The following UBAC2 variants were observed in gnomAD, a reference collection of about 807,000 sequenced individuals.
UBAC2 encodes ubiquitin-associated domain-containing protein 2.
UBAC2 carries 26 observed loss-of-function variants against 44.0 expected under a neutral mutation model. That is an observed-to-expected ratio of 0.59 (90% CI 0.43 to 0.82). The LOEUF (loss-of-function observed/expected upper bound fraction) is 0.82, where lower values mean the gene tolerates loss of function less well. Among genes scored for constraint, UBAC2 ranks in the 40% least tolerant of loss-of-function variants. The pLI, the probability that UBAC2 is intolerant of heterozygous loss-of-function variation, is 0.00. For synonymous variants in UBAC2, 155 were observed against 154.3 expected, an observed-to-expected ratio of 1.00 and a Z score of -0.04; for missense variants, 329 against 419.4, an observed-to-expected ratio of 0.78 and a Z score of 1.88.
Position 99,215,324 on chromosome 13 carries a change from C to G in UBAC2, c.31+14385C>G, listed in dbSNP as rs2042979092. The G allele has an allele frequency of 1.9e-5, 15 of 809,052 alleles. No individual in the cohort carries two copies. The South Asian group carries it at 2.0e-4, about 11-fold the overall frequency. 50.1% of individuals were successfully genotyped at this position (809,052 alleles called of 1,614,324 possible). On this transcript the variant is annotated intron_variant, in intron 1 of 8. Transcript: ENST00000403766. ...CACTGGCATCACCAACACTGGACAG[C>G]TGTTCTTTTATTTAGAGTCCTGAGA...
intron 4 of UBAC2, among the ~76,000 whole-genome samples, chr13:99,260,712 G>T (rs186564888): frequency 3.7e-4 from 57 of 152,152 alleles, no homozygotes; most frequent in Non-Finnish European, 7.5e-4. Flanking sequence ...TGAACCTAAT[G>T]AATTTTTTTT....
rs1002811821 is a variant in UBAC2, at chr13:99,292,056, A to G, written c.390-22041A>G. On this transcript the variant is annotated intron_variant, in intron 4 of 8. Transcript: ENST00000403766. ...ATGTAATAAAGCAGTCGAGGCTTCT[A>G]ACACCTTTTCAGGGGCCACATGATT... Among the ~76,000 whole-genome samples the G allele has an allele frequency of 1.1e-4, 17 of 152,270 alleles. 1 individual carries two copies. The highest frequency in any genetic ancestry group is 3.8e-4 in the African/African-American group (16 of 41,568).
At position 99,223,958 on chromosome 13, in the gene UBAC2, G is replaced by T. The variant is rs58112188; in HGVS notation, c.32-14469G>T. Among the ~76,000 whole-genome samples the T allele has an allele frequency of 3.3e-4, 51 of 152,246 alleles. 2 individuals carry two copies. In the East Asian group the frequency reaches 9.3e-3, roughly 28 times the overall value. ...CACTTGAAAAAATGTGTAACTTGCCGTTGTTGGGTGGAGTGTTCTATAAAT... is the reference window on the plus strand; with the variant it reads ...CACTTGAAAAAATGTGTAACTTGCCTTTGTTGGGTGGAGTGTTCTATAAAT... On this transcript the variant is annotated intron_variant, in intron 1 of 8. Transcript: ENST00000403766.
At position 99,295,216 on chromosome 13, in the gene UBAC2, AAAG is replaced by A; in HGVS notation, c.390-18877_390-18875del. On this transcript the variant is annotated intron_variant, in intron 4 of 8. Transcript: ENST00000403766. The surrounding 1 kb of genome is among the most constrained non-coding windows in gnomAD (Gnocchi z 4.1). ...CCTTTCTCTTATACCCTTTACATGC[AAAG>A]AAGTAGATAAAAGGGTCCATGCAGC... is the stretch of plus-strand genomic sequence containing the variant. The A allele has an allele frequency of 6.2e-7, 1 of 1,614,178 alleles. No homozygotes were observed. The highest frequency in any genetic ancestry group is 8.5e-7 in the Non-Finnish European group (1 of 1,180,014).
At chr13:99,376,433 C>G (rs1470822713) in intron 8 of UBAC2, among the ~76,000 whole-genome samples, 1 of 152,128 alleles carries the variant, frequency 6.6e-6, no homozygotes, top group Non-Finnish European at 1.5e-5. Context: ...TGTGGGGGCT[C>G]TGGTGGGGCA....
chr13:99,210,187 T>C (rs1324779310), intron 1 of UBAC2, among the ~76,000 whole-genome samples: 2 of 152,200 alleles, frequency 1.3e-5, no homozygotes, highest in Non-Finnish European at 2.9e-5. Context: ...TATGTTCTTG[T>C]TTTGAAATAA....
intron 6 of UBAC2, among the ~76,000 whole-genome samples, chr13:99,325,404 A>G (rs978294070): frequency 1.3e-5 from 2 of 152,104 alleles, no homozygotes; most frequent in African/African-American, 2.4e-5. Context: ...TGCCCGGCCT[A>G]TGTCTATGCT....
At chr13:99,341,422 G>A (rs114485760) in intron 7 of UBAC2, among the ~76,000 whole-genome samples, 5 of 150,666 alleles carry the variant, frequency 3.3e-5, no homozygotes, top group Non-Finnish European at 5.9e-5. Context: ...TATATCAGGG[G>A]GGGGGAGGAA....
intron 4 of UBAC2, among the ~76,000 whole-genome samples, chr13:99,268,497 A>G (rs1156714960): frequency 1.3e-5 from 2 of 151,110 alleles, no homozygotes; most frequent in South Asian, 2.1e-4. Context: ...AGTCTCAGCT[A>G]CCTAGGAGGC....
At chr13:99,347,319 G>GCCCCCCCCCCCCC (rs3031439) in intron 7 of UBAC2, among the ~76,000 whole-genome samples, 1 of 20,552 alleles carries the variant, frequency 4.9e-5, no homozygotes, top group Non-Finnish European at 1.3e-4. Flanking sequence ...ATCCCCGGGC[G>GCCCCCCCCCCCCC]CCCCCCCCCC....
At chr13:99,332,598 C>T (rs1460506246) in intron 6 of UBAC2, among the ~76,000 whole-genome samples, 1 of 152,202 alleles carries the variant, frequency 6.6e-6, no homozygotes. Context: ...TCTCTGGTTG[C>T]GTGACCATGT....
chr13:99,233,047 C>T lies in UBAC2; in HGVS notation c.32-5380C>T, dbSNP rs574095263. 1.6e-4 allele frequency among the ~76,000 whole-genome samples: 24 copies of T among 151,986 alleles called. No individual in the cohort carries two copies. In the South Asian group the frequency reaches 4.8e-3, roughly 30 times the overall value. ...AAAATATATTTTCTAGCTCTGATTA[C>T]TGAAAGAGCTAGAAGCATTGGGACC... is the stretch of plus-strand genomic sequence containing the variant. On this transcript the variant is annotated intron_variant, in intron 1 of 8. Transcript: ENST00000403766.
At chr13:99,255,562 T>G in intron 4 of UBAC2, 1 of 1,614,140 alleles carries the variant, frequency 6.2e-7, no homozygotes, top group Non-Finnish European at 8.5e-7. Context: ...AATGCTTGGG[T>G]AAAACACTGT....
Position 99,324,407 on chromosome 13 carries a change from CAT to C in UBAC2, c.561+6339_561+6340del, listed in dbSNP as rs2044609722. On this transcript the variant is annotated intron_variant, in intron 6 of 8. Coordinates refer to ENST00000403766, the MANE Select transcript of UBAC2 (RefSeq NM_001144072.2). The stretch of plus-strand genomic sequence containing the variant: ...TCCACCATTGCTCTGTCCCCTTTGC[CAT>C]GAGAAAAGCAGGGCCCGGAGAGGGG... 3.4e-5 allele frequency among the ~76,000 whole-genome samples: 5 copies of C among 147,944 alleles called. No individual in the cohort carries two copies. The South Asian group carries it at 1.2e-3, about 35-fold the overall frequency.
chr13:99,379,999 C>T (rs987027016), intron 8 of UBAC2, among the ~76,000 whole-genome samples: 1 of 152,250 alleles, frequency 6.6e-6, no homozygotes, highest in Non-Finnish European at 1.5e-5. Context: ...CATGTGCTTG[C>T]GTGGGGGAGT....
rs151297376 is a variant in UBAC2 at position 99,380,008 on chromosome 13, G to A, written c.928-5220G>A. 4.8e-3 allele frequency among the ~76,000 whole-genome samples: 726 copies of A among 152,318 alleles called. 2 individuals are homozygous for A. The highest frequency in any genetic ancestry group is 0.02 in the Middle Eastern group (6 of 294). ...CACTGGCATGTGCTTGCGTGGGGGA[G>A]TCGGGGCATGTGCAGAAAAGGCATG... On this transcript the variant is annotated intron_variant, in intron 8 of 8. Coordinates refer to ENST00000403766, the MANE Select transcript of UBAC2 (RefSeq NM_001144072.2).
chr13:99,384,449 C>G (rs994337898), intron 8 of UBAC2, among the ~76,000 whole-genome samples: 1 of 152,210 alleles, frequency 6.6e-6, no homozygotes, highest in South Asian at 2.1e-4. Flanking sequence ...ATACTGGAGA[C>G]TGCCTGTAGA....
chr13:99,323,518 T>A (rs755146439), intron 6 of UBAC2, among the ~76,000 whole-genome samples: 1 of 152,206 alleles, frequency 6.6e-6, no homozygotes, highest in Non-Finnish European at 1.5e-5. Flanking sequence ...AAGGACCACA[T>A]GTAGAAGTTG....
At chr13:99,203,773 G>A (rs186537302) in intron 1 of UBAC2, among the ~76,000 whole-genome samples, 1 of 152,328 alleles carries the variant, frequency 6.6e-6, no homozygotes, top group East Asian at 1.9e-4. Context: ...GGTCACGGAG[G>A]GTAGCCGGGA....
Sources: gnomAD v4.1 joint callset for allele counts (sites outside exome capture counted in the v4.1 genomes callset) on GRCh38, gnomAD v4.1.1 for gene constraint, Gnocchi (gnomAD v3.1) non-coding constraint, MANE v1.5 for transcripts, NCBI Gene and HGNC (gene_info 2026-07-23, HGNC 2026-07-21) for gene names.